The following TIAM2 variants were observed in gnomAD, a reference collection of about 807,000 sequenced individuals.
TIAM2 encodes rho guanine nucleotide exchange factor TIAM2.
Under a neutral mutation model 152.9 loss-of-function variants are expected in TIAM2, and 80 were observed. The observed-to-expected ratio is 0.52, with a 90% confidence interval of 0.44 to 0.63. The LOEUF is 0.63. Among genes scored for constraint, TIAM2 ranks in the 30% least tolerant of loss-of-function variants. The probability of loss-of-function intolerance (pLI) is 0.00; values close to 1 mark genes in which losing one functional copy is unlikely to be tolerated. For synonymous variants in TIAM2, 804 were observed against 838.0 expected (o/e 0.96, Z 0.70); for missense variants, 1,965 against 2,120.1 (o/e 0.93, Z 1.44).
In TIAM2 at chr6:155,256,948, GAC is replaced by G; in HGVS notation, c.4935_4936del (p.Asp1645GlufsTer15). ...ACGAAAAGCCAACAGCACCAAGAGG[GAC>G]AGAGGAACTTTGCTCAAGGCGCAGA... ...IKRKANSTKR[D>X]RGTLLKAQIR... is the part of the protein sequence containing the mutation. On this transcript the variant is annotated frameshift_variant, in exon 27 of 27. Transcript: ENST00000682666. LOFTEE classifies it high-confidence loss of function. 6.2e-7 allele frequency: 1 copy of G among 1,614,138 alleles called. No individual in the cohort carries two copies. Among genetic ancestry groups the G allele is most frequent in the Non-Finnish European group, 8.5e-7 (1 of 1,180,022 alleles).
chr6:155,169,176 T>C (rs925048870), intron 9 of TIAM2, among the ~76,000 whole-genome samples: 1 of 152,134 alleles, frequency 6.6e-6, no homozygotes. Flanking sequence ...TTTGTGTTTT[T>C]AGTAGACATG....
At chr6:155,071,097 C>T (rs1046493330) in intron 1 of TIAM2, among the ~76,000 whole-genome samples, 12 of 151,960 alleles carry the variant, frequency 7.9e-5, no homozygotes, top group East Asian at 3.9e-4. Flanking sequence ...GGCTCGTGCC[C>T]GAGAGGCAGA....
chr6:155,186,848 C>T lies in TIAM2; in HGVS notation c.3064+3348C>T, dbSNP rs1304520917. Among the ~76,000 whole-genome samples, 2 of 152,100 alleles carry T rather than the reference C, an allele frequency of 1.3e-5. No homozygotes were observed. The highest frequency in any genetic ancestry group is 2.9e-5 in the Non-Finnish European group (2 of 68,014). Reference sequence around the variant, plus strand: ...AATACAACTTTGAATTATAACTTAGCAGTGGCCGGCCATTTGAGAGCCTGC... The same window carrying T: ...AATACAACTTTGAATTATAACTTAGTAGTGGCCGGCCATTTGAGAGCCTGC... On this transcript the variant is annotated intron_variant, in intron 14 of 26. Coordinates refer to ENST00000682666, the MANE Select transcript of TIAM2 (RefSeq NM_012454.4). This position sits in a 1 kb window ranked among gnomAD's most constrained non-coding sequence, Gnocchi z 4.5.
chr6:155,195,223 T>C (rs949604057), intron 14 of TIAM2, among the ~76,000 whole-genome samples: 3 of 152,232 alleles, frequency 2.0e-5, no homozygotes, highest in African/African-American at 7.2e-5. Context: ...TAGCTTGAGA[T>C]TGAATCCGGG....
chr6:155,149,566 C>T (rs1258751323), intron 7 of TIAM2, among the ~76,000 whole-genome samples: 2 of 152,140 alleles, frequency 1.3e-5, no homozygotes, highest in South Asian at 2.1e-4. Context: ...TTAAATAATA[C>T]CTCTGTTTAT....
intron 2 of TIAM2, among the ~76,000 whole-genome samples, chr6:155,096,652 A>T (rs1302902846): frequency 6.6e-6 from 1 of 152,100 alleles, no homozygotes. Context: ...GATGACCTCC[A>T]GTTTCACCCA....
intron 4 of TIAM2, 45 bp from the exon 5 acceptor site, chr6:155,137,126 TGCTTTG>T: frequency 1.3e-6 from 2 of 1,569,380 alleles, no homozygotes; most frequent in South Asian, 2.4e-5. Flanking sequence ...CAAGAAGGGA[TGCTTTG>T]GATAGCCGTA....
chr6:155,139,628 G>A (rs1779643297), intron 5 of TIAM2, among the ~76,000 whole-genome samples: 1 of 152,138 alleles, frequency 6.6e-6, no homozygotes, highest in Non-Finnish European at 1.5e-5. Flanking sequence ...GACAGGATAG[G>A]GAAATGTGGC....
intron 1 of TIAM2, chr6:155,005,317 G>T: frequency 5.0e-6 from 1 of 200,172 alleles, no homozygotes; most frequent in South Asian, 1.0e-4. Flanking sequence ...GACCCTGAGA[G>T]AGTTTTTTGT....
chr6:155,177,464 GATC>G (rs544044001), intron 10 of TIAM2, among the ~76,000 whole-genome samples: 28 of 152,310 alleles, frequency 1.8e-4, no homozygotes, highest in African/African-American at 6.5e-4. Context: ...TTTCATTCCT[GATC>G]TGAGAAGGGA....
chr6:155,074,853 C>CAAAAAAAA (rs71023618), intron 1 of TIAM2, among the ~76,000 whole-genome samples: 2 of 37,662 alleles, frequency 5.3e-5, no homozygotes, highest in East Asian at 1.8e-3. Flanking sequence ...GACTCTGTCT[C>CAAAAAAAA]AAAAAAAAAA....
At chr6:155,150,335 G>A (rs3792959) in intron 7 of TIAM2, among the ~76,000 whole-genome samples, 73,931 of 152,086 alleles carry the variant, frequency 0.49, 18,185 homozygotes, top group Middle Eastern at 0.56. Context: ...TTAGGTGACA[G>A]CTGGTATAGT....
Position 155,137,574 on chromosome 6 carries a change from C to T in TIAM2, c.1592C>T (p.Ala531Val), listed in dbSNP as rs1204316188. 6 of 1,608,148 alleles carry T rather than the reference C, an allele frequency of 3.7e-6. No homozygotes were observed. Among genetic ancestry groups the T allele is most frequent in the Admixed American group, 1.7e-5 (1 of 59,840 alleles). The change falls in exon 5 of 27, where the codon GCA becomes GTA. Residue 531 changes from alanine (A) to valine (V), a missense_variant. Physicochemically the swap from Ala to Val is moderately conservative, Grantham distance 64 (BLOSUM62 0). Transcript: ENST00000682666. ...VQKERKLELV[A>V]RRKWKQYWVT... The stretch of plus-strand genomic sequence containing the variant: ...AAGGAAAGGAAGCTTGAGCTGGTGG[C>T]ACGAAGGAAATGGAAACAGTACTGG...
At chr6:155,236,489 C>T (rs1782765391) in intron 15 of TIAM2, among the ~76,000 whole-genome samples, 2 of 151,958 alleles carry the variant, frequency 1.3e-5, no homozygotes, top group Non-Finnish European at 2.9e-5. Flanking sequence ...ATGGCAAAAC[C>T]CCATCTCTAC....
At chr6:155,219,427 G>A (rs1781965709) in intron 15 of TIAM2, among the ~76,000 whole-genome samples, 2 of 152,086 alleles carry the variant, frequency 1.3e-5, no homozygotes, top group Non-Finnish European at 2.9e-5. Context: ...GAAGAGAGGC[G>A]GCAAGGACAC....
intron 1 of TIAM2, among the ~76,000 whole-genome samples, chr6:155,083,966 C>T (rs996047470): frequency 6.6e-6 from 1 of 152,174 alleles, no homozygotes; most frequent in Non-Finnish European, 1.5e-5. Flanking sequence ...CCTAGTGTCA[C>T]GTTGGCTGTA....
chr6:155,070,970 G>A (rs1032229993), intron 1 of TIAM2, among the ~76,000 whole-genome samples: 2 of 152,082 alleles, frequency 1.3e-5, no homozygotes, highest in African/African-American at 2.4e-5. Context: ...CCAAGAGGTC[G>A]AGACCAGCCT....
chr6:155,227,870 A>C (rs1471535737), intron 15 of TIAM2, among the ~76,000 whole-genome samples: 1 of 152,204 alleles, frequency 6.6e-6, no homozygotes, highest in Non-Finnish European at 1.5e-5. Flanking sequence ...AAGCACATCT[A>C]AGATGCCCAA....
At chr6:155,179,577 G>T in intron 12 of TIAM2, 121 bp downstream of exon 12, 1 of 833,160 alleles carries the variant, frequency 1.2e-6, no homozygotes, top group Non-Finnish European at 1.9e-6. Context: ...TATGACAGTA[G>T]TTTCTGAACT....
Sources: gnomAD v4.1 joint callset for allele counts (sites outside exome capture counted in the v4.1 genomes callset) on GRCh38, gnomAD v4.1.1 for gene constraint, Gnocchi (gnomAD v3.1) non-coding constraint, MANE v1.5 for transcripts, NCBI Gene and HGNC (gene_info 2026-07-23, HGNC 2026-07-21) for gene names.